SHROOM3: variants seen among roughly 807,000 people sequenced by gnomAD.
SHROOM3 encodes the protein protein Shroom3.
SHROOM3 carries 47 observed loss-of-function variants against 138.6 expected under a neutral mutation model. The ratio of observed to expected loss-of-function variants is 0.34; its 90% CI spans 0.27 to 0.43. The LOEUF is 0.43. SHROOM3 is among the 20% of genes least tolerant of loss of function. The pLI, the probability that SHROOM3 is intolerant of heterozygous loss-of-function variation, is 1.00. For synonymous variants in SHROOM3, 1,062 were observed against 1,063.3 expected (o/e 1.00, Z 0.02); for missense variants, 2,491 against 2,596.5 (o/e 0.96, Z 0.88).
intron 2 of SHROOM3, among the ~76,000 whole-genome samples, chr4:76,584,459 T>C (rs1377862832): frequency 6.6e-6 from 1 of 151,380 alleles, no homozygotes; most frequent in African/African-American, 2.4e-5. Flanking sequence ...TGGAGCAGAG[T>C]GGATCTGAAG....
At chr4:76,733,951 G>GT (rs1220745898) in intron 4 of SHROOM3, among the ~76,000 whole-genome samples, 1 of 152,086 alleles carries the variant, frequency 6.6e-6, no homozygotes, top group Non-Finnish European at 1.5e-5. Context: ...TTGACACTCT[G>GT]TTTTTGCTGC....
At chr4:76,446,197 T>C (rs1237321715) in intron 1 of SHROOM3, among the ~76,000 whole-genome samples, 1 of 152,174 alleles carries the variant, frequency 6.6e-6, no homozygotes, top group Non-Finnish European at 1.5e-5. Context: ...ATAAAACTAC[T>C]AAGGTACACA....
intron 1 of SHROOM3, among the ~76,000 whole-genome samples, chr4:76,501,769 C>T (rs1340287054): frequency 6.6e-6 from 1 of 152,212 alleles, no homozygotes; most frequent in Admixed American, 6.5e-5. Flanking sequence ...TTGACAAACA[C>T]ATCTGCATGC....
At chr4:76,681,206 C>T (rs1719181614) in intron 2 of SHROOM3, among the ~76,000 whole-genome samples, 1 of 152,186 alleles carries the variant, frequency 6.6e-6, no homozygotes, top group Non-Finnish European at 1.5e-5. Context: ...AACTATTCCT[C>T]CCCTCCTCTT....
At chr4:76,521,786 T>C (rs905756648) in intron 1 of SHROOM3, among the ~76,000 whole-genome samples, 1 of 152,156 alleles carries the variant, frequency 6.6e-6, no homozygotes, top group Non-Finnish European at 1.5e-5. Context: ...AATAAACTTT[T>C]AAATGTTCAC....
intron 2 of SHROOM3, chr4:76,688,475 G>A: frequency 5.1e-6 from 5 of 985,148 alleles, no homozygotes; most frequent in Non-Finnish European, 6.0e-6. Context: ...TATAGAACCT[G>A]GACATTTAAC....
rs1284019283 is a variant in SHROOM3, at chr4:76,435,998, TGC to T, written c.-54_-53del. ...CAACTTGTGCTGTAGAAGCACTGCT[TGC>T]CTGAGTTTGCTTCAGGCATTTTAAA... On this transcript the variant is annotated 5_prime_UTR_variant, in exon 1 of 11. Transcript: ENST00000296043. 2.5e-6 allele frequency: 4 copies of T among 1,600,418 alleles called. No homozygotes were observed. In the East Asian group the frequency reaches 8.9e-5, roughly 36 times the overall value.
At chr4:76,496,144 C>T (rs1347378384) in intron 1 of SHROOM3, among the ~76,000 whole-genome samples, 1 of 152,172 alleles carries the variant, frequency 6.6e-6, no homozygotes, top group Non-Finnish European at 1.5e-5. Flanking sequence ...GCATTTCTGC[C>T]TAATGACATG....
At chr4:76,608,707 A>C (rs1734697680) in intron 2 of SHROOM3, among the ~76,000 whole-genome samples, 1 of 139,410 alleles carries the variant, frequency 7.2e-6, no homozygotes, top group Non-Finnish European at 1.5e-5. Context: ...ACAGCACAGC[A>C]CAGCACAGCA....
intron 1 of SHROOM3, chr4:76,509,546 G>A (rs1434446717): frequency 2.0e-5 from 3 of 152,324 alleles, no homozygotes; most frequent in Non-Finnish European, 2.9e-5. Context: ...CATCTGGCCT[G>A]TTGCTGCCAC....
At chr4:76,720,153 T>A (rs1004073197) in intron 3 of SHROOM3, among the ~76,000 whole-genome samples, 3 of 23,602 alleles carry the variant, frequency 1.3e-4, no homozygotes, top group Admixed American at 7.8e-4. Context: ...TTTTTTAGGT[T>A]TTTTTTTTTT....
intron 1 of SHROOM3, among the ~76,000 whole-genome samples, chr4:76,555,326 C>G (rs964236176): frequency 6.6e-6 from 1 of 151,952 alleles, no homozygotes; most frequent in Non-Finnish European, 1.5e-5. Context: ...TCCTGAGCAC[C>G]GTGGGATAAT....
At chr4:76,705,086 C>G (rs891995333) in intron 2 of SHROOM3, among the ~76,000 whole-genome samples, 1 of 152,154 alleles carries the variant, frequency 6.6e-6, no homozygotes, top group Non-Finnish European at 1.5e-5. Context: ...GTACAGTGTT[C>G]AAGAGAGCCC....
At position 76,436,073 on chromosome 4, in the gene SHROOM3, C is replaced by A. The variant is rs757185375; in HGVS notation, c.21C>A (p.Asp7Glu). 9 of 1,613,982 alleles carry A rather than the reference C, an allele frequency of 5.6e-6. No individual in the cohort carries two copies. Among genetic ancestry groups the A allele is most frequent in the Non-Finnish European group, 4.2e-6 (5 of 1,179,922 alleles). ...TTGGCATGATGAGGACCACTGAAGA[C>A]TTCCACAAGCCTAGTGCCACATTAA... MMRTTE[D>E]FHKPSATLNS... The change falls in exon 1 of 11, where the codon GAC becomes GAA. Residue 7 changes from aspartate (D) to glutamate (E), a missense_variant. Transcript: ENST00000296043.
chr4:76,670,210 T>C (rs1431096728), intron 2 of SHROOM3, among the ~76,000 whole-genome samples: 1 of 152,186 alleles, frequency 6.6e-6, no homozygotes, highest in Non-Finnish European at 1.5e-5. Context: ...AACTTGTAAA[T>C]AGAAAAATGA....
chr4:76,710,039 T>C, intron 2 of SHROOM3, 117 bp from the exon 3 acceptor site: 1 of 1,378,080 alleles, frequency 7.3e-7, no homozygotes, highest in East Asian at 2.3e-5. Context: ...TTAGCTGTGC[T>C]GCTTTGCTCT....
At chr4:76,508,192 T>G (rs1732253506) in intron 1 of SHROOM3, among the ~76,000 whole-genome samples, 1 of 145,424 alleles carries the variant, frequency 6.9e-6, no homozygotes, top group Non-Finnish European at 1.5e-5. Context: ...TAGCTTTAGC[T>G]CTTACATTCA....
rs779306997 is a variant in SHROOM3 at position 76,710,111 on chromosome 4, A to C, written c.324-45A>C. On this transcript the variant is annotated intron_variant, in intron 2 of 10. Transcript: ENST00000296043. ...TTAAGATTCATTTGTGCTCCTGTCC[A>C]TGAACACCATCATGCTCAGCTTCTT... The C allele has an allele frequency of 1.9e-6, 3 of 1,612,912 alleles. No individual in the cohort carries two copies. In the African/African-American group the frequency reaches 4.0e-5, roughly 22 times the overall value.
chr4:76,661,676 C>T (rs1284020437), intron 2 of SHROOM3, among the ~76,000 whole-genome samples: 1 of 152,142 alleles, frequency 6.6e-6, no homozygotes, highest in African/African-American at 2.4e-5. Flanking sequence ...TGAAATAACA[C>T]AGTATATAAT....
Sources: allele counts gnomAD v4.1 joint callset (sites outside exome capture counted in the v4.1 genomes callset), GRCh38; gene constraint gnomAD v4.1.1; transcripts MANE v1.5; gene names NCBI Gene and HGNC (gene_info 2026-07-23, HGNC 2026-07-21).